The following ETF1 variants were observed in gnomAD, a reference collection of about 807,000 sequenced individuals.
ETF1 encodes eukaryotic peptide chain release factor subunit 1.
A neutral mutation model predicts 55.1 loss-of-function variants in ETF1; 4 were observed. The observed-to-expected ratio is 0.07, with a 90% CI of 0.04 to 0.17. ETF1 has a LOEUF of 0.17. Ranked by LOEUF, ETF1 falls within the 10% of genes least tolerant of loss-of-function variation. The pLI is 1.00. For missense variants in ETF1, 142 were observed against 523.6 expected, an observed-to-expected ratio of 0.27 and a Z score of 7.11; for synonymous variants, 157 against 182.3, an observed-to-expected ratio of 0.86 and a Z score of 1.12.
Position 138,507,785 on chromosome 5 carries a change from G to T in ETF1, c.*520C>A, listed in dbSNP as rs1322957568. ...ATTAAACAGAGACCAAGAGAGAAAT[G>T]GTTCCAACATTTCACCACATATATT... is the stretch of plus-strand genomic sequence containing the variant. On this transcript the variant is annotated 3_prime_UTR_variant, in exon 11 of 11. Transcript: ENST00000360541. 6.5e-6 allele frequency: 1 copy of T among 153,086 alleles called. No individual in the cohort carries two copies. The highest frequency in any genetic ancestry group is 1.5e-5 in the Non-Finnish European group (1 of 68,388). The allele number at this position is 153,086 out of a possible 1,614,324, so 9.5% of individuals were successfully genotyped here. A position where few individuals can be genotyped will look rare whatever the true frequency, so the allele number is the denominator to read the frequency against.
At chr5:138,527,009 T>C (rs533848150) in intron 2 of ETF1, among the ~76,000 whole-genome samples, 3 of 152,274 alleles carry the variant, frequency 2.0e-5, no homozygotes, top group African/African-American at 7.2e-5. Context: ...CTTCTAATTT[T>C]TGTATTTTTA....
In ETF1 at chr5:138,529,155, A is replaced by C. The variant is rs183106229; in HGVS notation, c.87-10288T>G. Among the ~76,000 whole-genome samples, 462 of 151,944 alleles carry C rather than the reference A, an allele frequency of 3.0e-3. 2 individuals carry two copies. Among genetic ancestry groups the C allele is most frequent in the African/African-American group, 0.01 (422 of 41,478 alleles). On this transcript the variant is annotated intron_variant, in intron 2 of 10. Transcript: ENST00000360541. ...AAAAACAAAAACAAAACCAACAAAA[A>C]CCAAAACCAAACAAACAAACAAACA...
chr5:138,523,163 C>T (rs1765306218), intron 2 of ETF1, among the ~76,000 whole-genome samples: 1 of 151,886 alleles, frequency 6.6e-6, no homozygotes, highest in Non-Finnish European at 1.5e-5. Context: ...GGTCAAGAGA[C>T]CGAGACCATC....
chr5:138,526,697 C>T (rs1430892082), intron 2 of ETF1, among the ~76,000 whole-genome samples: 2 of 151,686 alleles, frequency 1.3e-5, no homozygotes, highest in African/African-American at 4.8e-5. Context: ...CCATCATGCC[C>T]AACAGCTATT....
chr5:138,518,935 T>G, intron 2 of ETF1, 68 bp from the exon 3 acceptor site: 2 of 1,586,286 alleles, frequency 1.3e-6, no homozygotes, highest in Non-Finnish European at 1.7e-6. Flanking sequence ...TTCTCTCTGG[T>G]AAAAGCAAGC....
chr5:138,535,556 C>T (rs1261126578), intron 2 of ETF1, among the ~76,000 whole-genome samples: 3 of 151,662 alleles, frequency 2.0e-5, no homozygotes, highest in Admixed American at 6.6e-5. Context: ...TCTGTCTCTA[C>T]TAAAAAATGC....
chr5:138,537,592 T>C (rs1765990653), intron 2 of ETF1, among the ~76,000 whole-genome samples: 15 of 152,252 alleles, frequency 9.9e-5, no homozygotes, highest in Admixed American at 9.1e-4. Flanking sequence ...ATTATTGTTA[T>C]TATTATTTTT....
intron 2 of ETF1, among the ~76,000 whole-genome samples, chr5:138,522,113 G>GTTTTTTT: frequency 8.5e-6 from 1 of 117,648 alleles, no homozygotes; most frequent in African/African-American, 2.6e-5. Context: ...TTGTTTTTTT[G>GTTTTTTT]GTTTTTTTTA....
intron 2 of ETF1, among the ~76,000 whole-genome samples, chr5:138,524,640 C>T (rs1412750663): frequency 1.1e-4 from 16 of 147,498 alleles, no homozygotes; most frequent in South Asian, 2.2e-4. Flanking sequence ...TGCAGTGGCG[C>T]GATCTCGGCT....
chr5:138,528,741 A>G (rs902997649), intron 2 of ETF1, among the ~76,000 whole-genome samples: 11 of 152,196 alleles, frequency 7.2e-5, no homozygotes, highest in African/African-American at 2.4e-4. Flanking sequence ...TACCTTTAAA[A>G]TAAGACACCT....
At chr5:138,513,140 G>C (rs1046807122) in intron 5 of ETF1, 186 bp from the exon 6 acceptor site, 1 of 985,260 alleles carries the variant, frequency 1.0e-6, no homozygotes, top group African/African-American at 1.7e-5. Context: ...TCTATGTCAA[G>C]AGAGGAGCTG....
At chr5:138,519,917 A>G (rs941619965) in intron 2 of ETF1, among the ~76,000 whole-genome samples, 1 of 150,490 alleles carries the variant, frequency 6.6e-6, no homozygotes, top group African/African-American at 2.5e-5. Context: ...TTTGATTTGG[A>G]TTTCTCTGAT....
chr5:138,513,821 G>A (rs1764908286), intron 4 of ETF1, 115 bp from the exon 5 acceptor site: 2 of 1,241,884 alleles, frequency 1.6e-6, no homozygotes, highest in Non-Finnish European at 2.1e-6. Context: ...TATTAGCACT[G>A]TGGGAAAACC....
intron 2 of ETF1, among the ~76,000 whole-genome samples, chr5:138,524,140 G>A (rs1165011368): frequency 6.6e-6 from 1 of 150,918 alleles, no homozygotes; most frequent in Non-Finnish European, 1.5e-5. Flanking sequence ...GCAGTGAGCC[G>A]AGATCGTGCC....
chr5:138,539,071 C>T (rs543491018), intron 2 of ETF1, among the ~76,000 whole-genome samples: 1 of 152,184 alleles, frequency 6.6e-6, no homozygotes, highest in Admixed American at 6.5e-5. Flanking sequence ...GACCTTCAAA[C>T]AAGGGTTATG....
chr5:138,510,451 A>AC, intron 9 of ETF1, 114 bp downstream of exon 9: 1 of 521,672 alleles, frequency 1.9e-6, no homozygotes. Flanking sequence ...CTCCCACAGC[A>AC]CCCCCAATTA....
intron 4 of ETF1, among the ~76,000 whole-genome samples, chr5:138,515,155 C>A (rs1206195190): frequency 1.3e-5 from 2 of 152,258 alleles, no homozygotes; most frequent in African/African-American, 4.8e-5. Context: ...TGTGGCCGGG[C>A]GTGGTGGCTC....
chr5:138,531,971 G>A (rs548894433), intron 2 of ETF1, among the ~76,000 whole-genome samples: 9 of 152,104 alleles, frequency 5.9e-5, no homozygotes, highest in Non-Finnish European at 1.2e-4. Flanking sequence ...GGTGTGAACC[G>A]GGAGGCGGAG....
chr5:138,508,738 T>C lies in ETF1; in HGVS notation c.1162A>G (p.Thr388Ala), dbSNP rs749250525. ...GATTTATCTGTGACAATTTCCAACG[T>C]AGCTCCAAATTTTTTATAGTTGTTA... ...FANNYKKFGA[T>A]LEIVTDKSQE... The change falls in exon 10 of 11, where the codon ACG becomes GCG. Residue 388 changes from threonine (T) to alanine (A), a missense_variant. Physicochemically the swap from Thr to Ala is moderately conservative, Grantham distance 58. Around this residue, in one of 5 missense-constraint regions of ETF1, gnomAD observed 82 missense variants for 232.9 expected, o/e 0.35. Coordinates refer to ENST00000360541, the MANE Select transcript of ETF1 (RefSeq NM_004730.4). 1.2e-6 allele frequency: 2 copies of C among 1,613,740 alleles called. No individual in the cohort carries two copies. The highest frequency in any genetic ancestry group is 2.2e-5 in the East Asian group (1 of 44,886).
Sources: allele counts gnomAD v4.1 joint callset (sites outside exome capture counted in the v4.1 genomes callset), GRCh38; gene constraint gnomAD v4.1.1; regional missense constraint gnomAD v4.1.1; transcripts MANE v1.5; gene names NCBI Gene and HGNC (gene_info 2026-07-23, HGNC 2026-07-21).